The following CFAP20DC variants were observed in gnomAD, a reference collection of about 807,000 sequenced individuals.
CFAP20DC encodes CFAP20 domain containing.
In CFAP20DC, 84 loss-of-function variants were observed where a neutral mutation model predicts 101.7. The observed-to-expected ratio is 0.83, with a 90% confidence interval of 0.69 to 0.99. The LOEUF (loss-of-function observed/expected upper bound fraction) is 0.99. Among genes scored for constraint, CFAP20DC ranks in the 50% least tolerant of loss-of-function variants. The pLI is 0.00. For missense variants in CFAP20DC, 1,007 were observed against 970.3 expected, an observed-to-expected ratio of 1.04 and a Z score of -0.50; for synonymous variants, 359 against 351.2, an observed-to-expected ratio of 1.02 and a Z score of -0.25.
In CFAP20DC at chr3:58,728,465, C is replaced by A. The variant is rs2067587660; in HGVS notation, c.198-10837G>T. ...CTTTACGTGATTTGTAAAAACTTCA[C>A]ATGGCTGCAAGAGAAGATATTCTTT... On this transcript the variant is annotated intron_variant, in intron 3 of 3. Transcript: ENST00000486145. The surrounding 1 kb of genome is among the most constrained non-coding windows in gnomAD (Gnocchi z 4.7). Among the ~76,000 whole-genome samples the A allele has an allele frequency of 6.6e-6, 1 of 152,170 alleles. No homozygotes were observed. Among genetic ancestry groups the A allele is most frequent in the African/African-American group, 2.4e-5 (1 of 41,442 alleles).
rs1279485758 is a variant in CFAP20DC at position 58,912,913 on chromosome 3, A to C, written c.550+795T>G. Among the ~76,000 whole-genome samples the C allele has an allele frequency of 6.6e-6, 1 of 152,168 alleles. No individual in the cohort carries two copies. The highest frequency in any genetic ancestry group is 2.4e-5 in the African/African-American group (1 of 41,428). ...AATGTACACAGAGTAATAAGACAGC[A>C]TAATGGACAGAGATTTTTGAATGCC... On this transcript the variant is annotated intron_variant, in intron 6 of 16. Transcript: ENST00000482387. This position sits in a 1 kb window ranked among gnomAD's most constrained non-coding sequence, Gnocchi z 4.4.
At chr3:58,798,054 T>A (rs576160013) in intron 15 of CFAP20DC, among the ~76,000 whole-genome samples, 12 of 152,264 alleles carry the variant, frequency 7.9e-5, no homozygotes, top group African/African-American at 2.9e-4. Context: ...TACAAGGAGA[T>A]GAATATTGTT....
At position 58,816,056 on chromosome 3, in the gene CFAP20DC, C is replaced by T. The variant is rs547347377; in HGVS notation, c.2176-9600G>A. Among the ~76,000 whole-genome samples, 151 of 151,960 alleles carry T rather than the reference C, an allele frequency of 9.9e-4. 4 individuals are homozygous for T. In the Middle Eastern group the frequency reaches 0.01, roughly 10 times the overall value. On this transcript the variant is annotated intron_variant, in intron 14 of 16. Transcript: ENST00000482387. ...AATCATGCTGCTATAAAGACACATG[C>T]ACACGTATATTTATTGTGGCATTAT...
chr3:59,003,189 T>C (rs1298437071), intron 4 of CFAP20DC, among the ~76,000 whole-genome samples: 2 of 152,214 alleles, frequency 1.3e-5, no homozygotes, highest in Admixed American at 6.5e-5. Context: ...GTTTTATACA[T>C]TGTAACAACC....
chr3:58,953,328 T>C (rs2090325840), intron 4 of CFAP20DC, among the ~76,000 whole-genome samples: 1 of 152,190 alleles, frequency 6.6e-6, no homozygotes, highest in South Asian at 2.1e-4. Context: ...AATCAAATGC[T>C]AGGCTCACAG....
chr3:58,873,380 C>T lies in CFAP20DC; in HGVS notation c.716-3071G>A, dbSNP rs117041959. Among the ~76,000 whole-genome samples, 176 of 105,310 alleles carry T rather than the reference C, an allele frequency of 1.7e-3. 2 individuals are homozygous for T. The East Asian group carries it at 0.029, about 17-fold the overall frequency. 69.1% of individuals were successfully genotyped at this position (105,310 alleles called of 152,430 possible). On this transcript the variant is annotated intron_variant, in intron 7 of 16. Coordinates refer to ENST00000482387, the MANE Select transcript of CFAP20DC (RefSeq NM_001394063.1). ...TAAGGCAGCTGTTCAAGCAGAATTC[C>T]GGATAGCTATTCTGGATGCTGTCAG...
intron 15 of CFAP20DC, among the ~76,000 whole-genome samples, chr3:58,800,641 T>C (rs79087524): frequency 0.065 from 9,919 of 152,206 alleles, 608 homozygotes; most frequent in East Asian, 0.35. Context: ...TATTAGAAAC[T>C]ATTATTAATT....
rs1195698966 is a variant in CFAP20DC, at chr3:58,894,713, G to T, written c.551-10004C>A. On this transcript the variant is annotated intron_variant, in intron 6 of 16. Transcript: ENST00000482387. This position sits in a 1 kb window ranked among gnomAD's most constrained non-coding sequence, Gnocchi z 4.1. ...TACAGCTCCACTAGATGGTGCCCCA[G>T]TAGGGAGTCTGTGTGGTGGCTCCAA... 2.0e-5 allele frequency among the ~76,000 whole-genome samples: 3 copies of T among 152,324 alleles called. No individual in the cohort carries two copies. The highest frequency in any genetic ancestry group is 6.5e-5 in the Admixed American group (1 of 15,306).
chr3:58,922,314 A>G (rs919033284), intron 5 of CFAP20DC, among the ~76,000 whole-genome samples: 1 of 152,146 alleles, frequency 6.6e-6, no homozygotes, highest in East Asian at 1.9e-4. Flanking sequence ...AACATTTTTT[A>G]GCATTCCGTT....
chr3:58,833,900 A>G (rs1361476399), intron 13 of CFAP20DC, among the ~76,000 whole-genome samples: 1 of 152,184 alleles, frequency 6.6e-6, no homozygotes, highest in Non-Finnish European at 1.5e-5. Flanking sequence ...GAAGGGCTGG[A>G]TGAACTTTGA....
intron 4 of CFAP20DC, among the ~76,000 whole-genome samples, chr3:58,951,586 G>T (rs2090112171): frequency 6.6e-6 from 1 of 152,168 alleles, no homozygotes; most frequent in Non-Finnish European, 1.5e-5. Context: ...CATAAAAAAT[G>T]AAGAGTTCAT....
At chr3:58,804,750 A>G (rs1270676051) in intron 15 of CFAP20DC, among the ~76,000 whole-genome samples, 3 of 152,220 alleles carry the variant, frequency 2.0e-5, no homozygotes, top group Admixed American at 2.0e-4. Flanking sequence ...ATAATTTGTT[A>G]GGCAAATCTA....
chr3:58,883,903 C>T (rs1208790358), intron 7 of CFAP20DC, among the ~76,000 whole-genome samples: 3 of 152,136 alleles, frequency 2.0e-5, no homozygotes, highest in African/African-American at 7.2e-5. Flanking sequence ...TTTGTAAGTA[C>T]TACTCATTAA....
At chr3:59,028,112 A>C (rs1275658962) in intron 4 of CFAP20DC, among the ~76,000 whole-genome samples, 1 of 152,228 alleles carries the variant, frequency 6.6e-6, no homozygotes, top group Non-Finnish European at 1.5e-5. Flanking sequence ...CCTTTGCTCC[A>C]CATGCAAAAT....
At chr3:58,781,010 A>G (rs1339928940) in intron 15 of CFAP20DC, among the ~76,000 whole-genome samples, 1 of 152,022 alleles carries the variant, frequency 6.6e-6, no homozygotes, top group African/African-American at 2.4e-5. Flanking sequence ...CACACACAAC[A>G]TTCTCCAGGA....
At chr3:58,810,354 C>A (rs1026814708) in intron 14 of CFAP20DC, among the ~76,000 whole-genome samples, 5 of 152,120 alleles carry the variant, frequency 3.3e-5, no homozygotes, top group African/African-American at 9.7e-5. Context: ...GCTTATCCAC[C>A]ATGATCAAGT....
chr3:58,873,184 C>A (rs1487432198), intron 7 of CFAP20DC, among the ~76,000 whole-genome samples: 1 of 150,026 alleles, frequency 6.7e-6, no homozygotes, highest in Non-Finnish European at 1.5e-5. Context: ...GATGTTCAAG[C>A]AGAAGTCTGG....
chr3:58,913,334 C>T lies in CFAP20DC; in HGVS notation c.550+374G>A, dbSNP rs983551857. 6.6e-6 allele frequency among the ~76,000 whole-genome samples: 1 copy of T among 152,060 alleles called. No individual in the cohort carries two copies. The highest frequency in any genetic ancestry group is 1.5e-5 in the Non-Finnish European group (1 of 68,016). ...GCTGGATTCTTCTTGACTATAGGCT[C>T]TCAGCTGACTCTCTAAATATCCTTG... On this transcript the variant is annotated intron_variant, in intron 6 of 16. Coordinates refer to ENST00000482387, the MANE Select transcript of CFAP20DC (RefSeq NM_001394063.1). This position sits in a 1 kb window ranked among gnomAD's most constrained non-coding sequence, Gnocchi z 4.4.
rs905315578 is a variant in CFAP20DC at position 58,818,211 on chromosome 3, A to T, written c.2176-11755T>A. On this transcript the variant is annotated intron_variant, in intron 14 of 16. Transcript: ENST00000482387. Reference sequence around the variant, plus strand: ...ATGCCAAAATGTAAAGACCATCGAGACTAGAAAGAAACTGCATCGACTAAT... The same window carrying T: ...ATGCCAAAATGTAAAGACCATCGAGTCTAGAAAGAAACTGCATCGACTAAT... 1.3e-3 allele frequency among the ~76,000 whole-genome samples: 204 copies of T among 152,134 alleles called. 1 individual carries two copies. The highest frequency in any genetic ancestry group is 0.01 in the Middle Eastern group (3 of 294).
Sources: gnomAD v4.1 joint callset for allele counts (sites outside exome capture counted in the v4.1 genomes callset) on GRCh38, gnomAD v4.1.1 for gene constraint, Gnocchi (gnomAD v3.1) non-coding constraint, MANE v1.5 for transcripts, NCBI Gene and HGNC (gene_info 2026-07-23, HGNC 2026-07-21) for gene names.